PPP2R2B: variants seen among roughly 807,000 people sequenced by gnomAD.
PPP2R2B encodes the protein serine/threonine-protein phosphatase 2A 55 kDa regulatory subunit B beta isoform.
In PPP2R2B, 5 loss-of-function variants were observed where a neutral mutation model predicts 46.0. The ratio of observed to expected loss-of-function variants is 0.11; its 90% CI spans 0.06 to 0.23. PPP2R2B has a LOEUF of 0.23. Ranked by LOEUF, PPP2R2B falls within the 10% of genes least tolerant of loss-of-function variation. The pLI is 1.00. For synonymous variants in PPP2R2B, 215 were observed against 206.7 expected (o/e 1.04, Z -0.34); for missense variants, 367 against 575.0 (o/e 0.64, Z 3.70).
chr5:146,782,007 C>G lies in PPP2R2B; in HGVS notation c.71-80865G>C, dbSNP rs560120708. ...ACCATTTCCCTTGGTACTGTTGTCA[C>G]GATAATAAGCTCTTTTGAGATCTGG... is the stretch of plus-strand genomic sequence containing the variant. On this transcript the variant is annotated intron_variant, in intron 2 of 9. Coordinates refer to ENST00000394411, the MANE Select transcript of PPP2R2B (RefSeq NM_181675.4). 8.1e-4 allele frequency among the ~76,000 whole-genome samples: 124 copies of G among 152,230 alleles called. 1 individual carries two copies. Among genetic ancestry groups the G allele is most frequent in the African/African-American group, 2.8e-3 (116 of 41,536 alleles).
chr5:147,010,329 G>A (rs1406942759), intron 1 of PPP2R2B, among the ~76,000 whole-genome samples: 1 of 152,148 alleles, frequency 6.6e-6, no homozygotes, highest in Admixed American at 6.5e-5. Context: ...ATGGTTCGGG[G>A]ATGGTTCAAG....
At chr5:146,867,713 C>T (rs777145112) in intron 2 of PPP2R2B, among the ~76,000 whole-genome samples, 54 of 152,212 alleles carry the variant, frequency 3.5e-4, no homozygotes, top group Admixed American at 1.3e-3. Context: ...TTTCACGCAC[C>T]CTGGCTTCTG....
At chr5:146,944,082 TA>T (rs1764406353) in intron 1 of PPP2R2B, among the ~76,000 whole-genome samples, 1 of 152,134 alleles carries the variant, frequency 6.6e-6, no homozygotes, top group African/African-American at 2.4e-5. Flanking sequence ...TTTAAAGGAG[TA>T]AATGAATACA....
intron 2 of PPP2R2B, among the ~76,000 whole-genome samples, chr5:146,761,921 T>A (rs1398948282): frequency 6.6e-6 from 1 of 152,152 alleles, no homozygotes; most frequent in Non-Finnish European, 1.5e-5. Flanking sequence ...GCAAACCGCA[T>A]TGAGCTCTCT....
intron 2 of PPP2R2B, among the ~76,000 whole-genome samples, chr5:146,745,921 G>A (rs930040327): frequency 6.6e-6 from 1 of 151,480 alleles, no homozygotes; most frequent in Non-Finnish European, 1.5e-5. Context: ...TTGTGCCACT[G>A]CACTCCAGCC....
rs911165425 is a variant in PPP2R2B, at chr5:146,589,282, T to C, written c.*665A>G. The C allele has an allele frequency of 1.2e-4, 19 of 152,342 alleles. No homozygotes were observed. Among genetic ancestry groups the C allele is most frequent in the African/African-American group, 4.3e-4 (18 of 41,460 alleles). 9.4% of individuals were successfully genotyped at this position (152,342 alleles called of 1,614,324 possible). A position where few individuals can be genotyped will look rare whatever the true frequency, so the allele number is the denominator to read the frequency against. The stretch of plus-strand genomic sequence containing the variant: ...CTTTCTGTCCCCTGAAGCATTCAAG[T>C]TCCCTAGCCAAATTCTCAGGCTGTT... On this transcript the variant is annotated 3_prime_UTR_variant, in exon 10 of 10. Transcript: ENST00000394411.
intron 1 of PPP2R2B, among the ~76,000 whole-genome samples, chr5:146,968,467 C>A (rs1752533737): frequency 6.6e-6 from 1 of 152,098 alleles, no homozygotes; most frequent in Admixed American, 6.6e-5. Flanking sequence ...ATGTGTCGGG[C>A]TAACATGAAT....
At chr5:146,846,629 G>C (rs1224163980) in intron 2 of PPP2R2B, among the ~76,000 whole-genome samples, 1 of 151,958 alleles carries the variant, frequency 6.6e-6, no homozygotes, top group Non-Finnish European at 1.5e-5. Flanking sequence ...AGTGAGCCTA[G>C]ATCTTGCCAC....
At chr5:146,893,048 A>G (rs1762538137) in intron 1 of PPP2R2B, among the ~76,000 whole-genome samples, 1 of 151,762 alleles carries the variant, frequency 6.6e-6, no homozygotes, top group African/African-American at 2.4e-5. Context: ...TTCTTGAAGA[A>G]CTCTGAGCTC....
chr5:147,008,321 C>G (rs957341368), intron 1 of PPP2R2B, among the ~76,000 whole-genome samples: 25 of 152,108 alleles, frequency 1.6e-4, no homozygotes, highest in Admixed American at 3.9e-4. Context: ...GGAGGAAACA[C>G]AGGCTTATGA....
At chr5:146,780,534 C>T (rs775192596) in intron 2 of PPP2R2B, among the ~76,000 whole-genome samples, 1 of 152,190 alleles carries the variant, frequency 6.6e-6, no homozygotes, top group Non-Finnish European at 1.5e-5. Context: ...AGCCCAAACT[C>T]TAAGTATTAC....
intron 2 of PPP2R2B, among the ~76,000 whole-genome samples, chr5:146,763,371 T>C (rs1183126067): frequency 6.6e-6 from 1 of 152,126 alleles, no homozygotes; most frequent in Admixed American, 6.5e-5. Context: ...TTCCGGTATG[T>C]TTCTCAACCT....
At chr5:146,862,460 A>G (rs1003238783) in intron 2 of PPP2R2B, among the ~76,000 whole-genome samples, 1 of 152,186 alleles carries the variant, frequency 6.6e-6, no homozygotes, top group African/African-American at 2.4e-5. Context: ...CAGTTGCCAC[A>G]TTCGTGAAAT....
At chr5:146,805,535 C>G (rs1757123294) in intron 2 of PPP2R2B, among the ~76,000 whole-genome samples, 1 of 152,188 alleles carries the variant, frequency 6.6e-6, no homozygotes, top group South Asian at 2.1e-4. Context: ...GTGACATTGT[C>G]TAACATGCTT....
At chr5:146,790,331 A>T (rs1222422564) in intron 2 of PPP2R2B, among the ~76,000 whole-genome samples, 1 of 152,194 alleles carries the variant, frequency 6.6e-6, no homozygotes, top group African/African-American at 2.4e-5. Context: ...AACCACCCCA[A>T]AATTAAGAGA....
intron 2 of PPP2R2B, among the ~76,000 whole-genome samples, chr5:146,737,948 A>G (rs1752637140): frequency 1.3e-5 from 2 of 148,634 alleles, no homozygotes; most frequent in African/African-American, 5.2e-5. Flanking sequence ...TCAAAAAACA[A>G]AACAAAACAA....
At chr5:147,037,127 C>T (rs572039839) in intron 1 of PPP2R2B, among the ~76,000 whole-genome samples, 1 of 150,156 alleles carries the variant, frequency 6.7e-6, no homozygotes. Context: ...CTCCAGCATA[C>T]AGCTCTTGAA....
At chr5:146,881,905 C>T (rs1477507742), upstream of PPP2R2B, among the ~76,000 whole-genome samples, 1 of 152,094 alleles carries the variant, frequency 6.6e-6, no homozygotes, top group Non-Finnish European at 1.5e-5. Context: ...AGCTCATAAG[C>T]TGTATTCCTA....
chr5:147,022,161 A>C (rs1755301596), intron 1 of PPP2R2B, among the ~76,000 whole-genome samples: 1 of 152,182 alleles, frequency 6.6e-6, no homozygotes, highest in South Asian at 2.1e-4. Context: ...TGAACAGAAC[A>C]TAAGTGTTGT....
Sources: gnomAD v4.1 joint callset for allele counts (sites outside exome capture counted in the v4.1 genomes callset) on GRCh38, gnomAD v4.1.1 for gene constraint, MANE v1.5 for transcripts, NCBI Gene and HGNC (gene_info 2026-07-23, HGNC 2026-07-21) for gene names.